The following ARID5B variants were observed in gnomAD, a reference collection of about 807,000 sequenced individuals.
ARID5B encodes AT-rich interaction domain 5B.
A neutral mutation model predicts 97.2 loss-of-function variants in ARID5B; 13 were observed. That is an observed-to-expected ratio of 0.13 (90% CI 0.09 to 0.21). The LOEUF (loss-of-function observed/expected upper bound fraction) is 0.21. Ranked by LOEUF, ARID5B falls within the 10% of genes least tolerant of loss-of-function variation. The pLI is 1.00. For synonymous variants in ARID5B, 556 were observed against 570.3 expected (o/e 0.97, Z 0.36); for missense variants, 1,210 against 1,465.3 (o/e 0.83, Z 2.84).
chr10:62,045,008 T>C (rs1251538866), intron 4 of ARID5B, among the ~76,000 whole-genome samples: 1 of 152,226 alleles, frequency 6.6e-6, no homozygotes, highest in Non-Finnish European at 1.5e-5. Context: ...AGAAATTTAA[T>C]ACCAATGGTC....
At chr10:61,926,991 C>T (rs1205134081) in intron 2 of ARID5B, among the ~76,000 whole-genome samples, 1 of 151,982 alleles carries the variant, frequency 6.6e-6, no homozygotes, top group African/African-American at 2.4e-5. Flanking sequence ...TGGCAAAAAC[C>T]ACAATGACTT....
chr10:61,948,435 C>T (rs542585181), intron 3 of ARID5B, among the ~76,000 whole-genome samples: 37 of 120,048 alleles, frequency 3.1e-4, no homozygotes, highest in Non-Finnish European at 5.2e-4. Flanking sequence ...AGGCTGGATT[C>T]GGATCCCTGC....
chr10:62,082,403 C>A (rs1840224908), intron 8 of ARID5B, among the ~76,000 whole-genome samples: 1 of 152,168 alleles, frequency 6.6e-6, no homozygotes, highest in Non-Finnish European at 1.5e-5. Flanking sequence ...CCCATTACTT[C>A]CACCCACCTA....
intron 3 of ARID5B, among the ~76,000 whole-genome samples, chr10:61,963,622 A>G (rs1838503671): frequency 6.6e-6 from 1 of 151,936 alleles, no homozygotes; most frequent in Non-Finnish European, 1.5e-5. Flanking sequence ...AGTAAAGAGC[A>G]ACACAATTCT....
chr10:61,942,813 A>C (rs55767272), intron 3 of ARID5B, among the ~76,000 whole-genome samples: 6,705 of 152,136 alleles, frequency 0.044, 191 homozygotes, highest in Non-Finnish European at 0.065. Context: ...AAACAAAACA[A>C]AACAAAAAAG....
At chr10:62,006,218 G>T (rs954392965) in intron 4 of ARID5B, among the ~76,000 whole-genome samples, 1 of 152,122 alleles carries the variant, frequency 6.6e-6, no homozygotes, top group African/African-American at 2.4e-5. Flanking sequence ...GAGGCAGGTG[G>T]ATCACCAGAG....
Position 62,000,207 on chromosome 10 carries a change from G to T in ARID5B, c.619G>T (p.Ala207Ser). Residue 207 changes from alanine (A) to serine (S), a missense_variant, in exon 4 of 10, where the codon GCA becomes TCA. Ala to Ser is a moderately conservative substitution (Grantham distance 99). Transcript: ENST00000279873. This position sits in a 1 kb window ranked among gnomAD's most constrained non-coding sequence, Gnocchi z 4.4. ...KPSSILTDQF[A>S]LALGGIAVVS... ...ATCTTCCATTCTAACGGACCAGTTT[G>T]CATTGGCCCTGGGGGGCATTGCAGT... 6.2e-7 allele frequency: 1 copy of T among 1,614,058 alleles called. No individual in the cohort carries two copies. Among genetic ancestry groups the T allele is most frequent in the Non-Finnish European group, 8.5e-7 (1 of 1,179,938 alleles).
chr10:61,964,954 G>A (rs78450818), intron 3 of ARID5B, among the ~76,000 whole-genome samples: 5,320 of 152,206 alleles, frequency 0.035, 134 homozygotes, highest in Non-Finnish European at 0.049. Context: ...TTATGCTGCC[G>A]CTAATGCCCA....
chr10:61,992,037 A>G (rs1305468932), intron 3 of ARID5B, among the ~76,000 whole-genome samples: 9 of 152,106 alleles, frequency 5.9e-5, no homozygotes, highest in African/African-American at 1.9e-4. Context: ...TGTCTCAAAA[A>G]AAAAAAAAGT....
At chr10:62,069,549 A>G in intron 7 of ARID5B, 151 bp from the exon 8 acceptor site, 1 of 657,550 alleles carries the variant, frequency 1.5e-6, no homozygotes, top group Non-Finnish European at 2.7e-6. Context: ...TCACTATGAA[A>G]CCATAAATCA....
In ARID5B at chr10:61,902,250, T is replaced by C. The variant is rs1436671098; in HGVS notation, c.113T>C (p.Leu38Pro). The C allele has an allele frequency of 6.2e-7, 1 of 1,614,170 alleles. No individual in the cohort carries two copies. The highest frequency in any genetic ancestry group is 8.5e-7 in the Non-Finnish European group (1 of 1,180,044). ...GAAGGCAAACCAAGAATTTTGTCCC[T>C]TGGCGACTTTTTCTTTGTAAGATGT... ...HLEGKPRILS[L>P]GDFFFVRCTP... Residue 38 changes from leucine to proline, a missense_variant, in exon 2 of 10, where the codon CTT becomes CCT. By Grantham distance (98) the Leu-to-Pro change is moderately conservative. This residue lies in a region of ARID5B where 80 missense variants were observed against 133.2 expected (regional missense o/e 0.60). Transcript: ENST00000279873.
chr10:62,020,064 G>C (rs933062386), intron 4 of ARID5B, among the ~76,000 whole-genome samples: 2 of 152,092 alleles, frequency 1.3e-5, no homozygotes, highest in East Asian at 3.8e-4. Context: ...TAACTTTCTG[G>C]CGAGGAGTCT....
chr10:62,063,311 A>T (rs1839945553), intron 7 of ARID5B, among the ~76,000 whole-genome samples: 1 of 152,226 alleles, frequency 6.6e-6, no homozygotes, highest in South Asian at 2.1e-4. Context: ...CTGCAAGTAT[A>T]AAAGCTGTAG....
rs1840429387 is a variant in ARID5B, at chr10:62,094,051, C to T, written c.*1021C>T. 1 of 233,468 alleles carries T rather than the reference C, an allele frequency of 4.3e-6. No individual in the cohort carries two copies. Among genetic ancestry groups the T allele is most frequent in the South Asian group, 1.8e-4 (1 of 5,532 alleles). 14.5% of individuals were successfully genotyped at this position (233,468 alleles called of 1,614,324 possible). On this transcript the variant is annotated 3_prime_UTR_variant, in exon 10 of 10. Transcript: ENST00000279873. ...ACCTTATCTAGGCTGTGAAACTGTC[C>T]TACATACCAGAGAATCATAAAAACA...
At chr10:62,045,617 A>G (rs12355313) in intron 4 of ARID5B, among the ~76,000 whole-genome samples, 64,064 of 151,712 alleles carry the variant, frequency 0.42, 14,780 homozygotes, top group Non-Finnish European at 0.54. Context: ...TGCCTGGCTA[A>G]TTTTTGTATT....
intron 3 of ARID5B, among the ~76,000 whole-genome samples, chr10:61,986,143 T>A (rs1253339853): frequency 6.6e-6 from 1 of 151,668 alleles, no homozygotes; most frequent in Non-Finnish European, 1.5e-5. Context: ...GCAGCTGGGG[T>A]GTGTTGAGAA....
At chr10:61,985,274 T>C (rs1838831509) in intron 3 of ARID5B, among the ~76,000 whole-genome samples, 1 of 151,514 alleles carries the variant, frequency 6.6e-6, no homozygotes, top group Non-Finnish European at 1.5e-5. Context: ...AAACCGCAAT[T>C]ACTTTTTGCA....
intron 3 of ARID5B, among the ~76,000 whole-genome samples, chr10:61,950,449 G>A (rs1243946969): frequency 1.3e-5 from 2 of 152,298 alleles, no homozygotes; most frequent in East Asian, 3.9e-4. Context: ...TGGGAGGATT[G>A]CTTGAGGCCA....
chr10:62,015,391 C>G (rs891935644), intron 4 of ARID5B, among the ~76,000 whole-genome samples: 1 of 152,198 alleles, frequency 6.6e-6, no homozygotes, highest in Admixed American at 6.5e-5. Flanking sequence ...GATTCAAACC[C>G]TGCTCTTAAG....
Sources: gnomAD v4.1 joint callset for allele counts (sites outside exome capture counted in the v4.1 genomes callset) on GRCh38, gnomAD v4.1.1 for gene constraint, gnomAD v4.1.1 regional missense constraint, Gnocchi (gnomAD v3.1) non-coding constraint, MANE v1.5 for transcripts, NCBI Gene and HGNC (gene_info 2026-07-23, HGNC 2026-07-21) for gene names.